Variants in TM9SF2 observed in about 807,000 individuals in gnomAD.
TM9SF2 encodes transmembrane 9 superfamily member 2.
In TM9SF2, 13 loss-of-function variants were observed where a neutral mutation model predicts 84.9. That is an observed-to-expected ratio of 0.15 (90% CI 0.10 to 0.24). The LOEUF (loss-of-function observed/expected upper bound fraction) is 0.24, where lower values mean the gene tolerates loss of function less well. Ranked by LOEUF, TM9SF2 falls within the 10% of genes least tolerant of loss-of-function variation. The probability of loss-of-function intolerance (pLI) is 1.00; values close to 1 mark genes in which losing one functional copy is unlikely to be tolerated. For synonymous variants in TM9SF2, 273 were observed against 285.8 expected, an observed-to-expected ratio of 0.96 and a Z score of 0.45; for missense variants, 562 against 818.5, an observed-to-expected ratio of 0.69 and a Z score of 3.82.
At chr13:99,540,565 C>T in intron 7 of TM9SF2, 149 bp from the exon 8 acceptor site, 1 of 366,214 alleles carries the variant, frequency 2.7e-6, no homozygotes, top group Non-Finnish European at 4.9e-6. Context: ...ATCTGAAACT[C>T]TCCAAATCTC....
intron 15 of TM9SF2, among the ~76,000 whole-genome samples, chr13:99,558,918 A>G (rs927171339): frequency 6.6e-6 from 1 of 152,234 alleles, no homozygotes; most frequent in Non-Finnish European, 1.5e-5. Context: ...TGTTTAAATT[A>G]TGTTAGTAAT....
chr13:99,506,468 A>G (rs1282464949), intron 1 of TM9SF2, among the ~76,000 whole-genome samples: 1 of 152,214 alleles, frequency 6.6e-6, no homozygotes, highest in African/African-American at 2.4e-5. Context: ...TACTTTGACT[A>G]TGGTAAATAT....
intron 4 of TM9SF2, among the ~76,000 whole-genome samples, chr13:99,535,812 G>A (rs1455895738): frequency 6.6e-6 from 1 of 152,138 alleles, no homozygotes; most frequent in Non-Finnish European, 1.5e-5. Flanking sequence ...TGTACTCTGG[G>A]CGCAGGGGGC....
chr13:99,542,194 G>C (rs12017220), intron 9 of TM9SF2, among the ~76,000 whole-genome samples: 1,555 of 152,106 alleles, frequency 0.01, 34 homozygotes, highest in African/African-American at 0.036. Flanking sequence ...ACAGCCTTGG[G>C]AGCTGACCTG....
intron 10 of TM9SF2, 34 bp downstream of exon 10, chr13:99,544,029 T>TA: frequency 6.2e-7 from 1 of 1,609,906 alleles, no homozygotes; most frequent in Non-Finnish European, 8.5e-7. Flanking sequence ...AAGTAGAAAA[T>TA]ACTTTCTAAA....
At chr13:99,506,508 GA>G (rs1479742283) in intron 1 of TM9SF2, among the ~76,000 whole-genome samples, 1 of 152,144 alleles carries the variant, frequency 6.6e-6, no homozygotes, top group African/African-American at 2.4e-5. Context: ...TTCTTCTTCT[GA>G]AAAGGTATGT....
chr13:99,549,460 GTC>G (rs2046296849), intron 12 of TM9SF2, among the ~76,000 whole-genome samples: 1 of 152,166 alleles, frequency 6.6e-6, no homozygotes, highest in Non-Finnish European at 1.5e-5. Context: ...TCTCTTCAAA[GTC>G]TTTCTGTTTC....
intron 4 of TM9SF2, among the ~76,000 whole-genome samples, chr13:99,535,091 G>A (rs2046228244): frequency 6.6e-6 from 1 of 152,188 alleles, no homozygotes. Flanking sequence ...GGTTGAGGCT[G>A]CAGAAAGCCA....
intron 1 of TM9SF2, among the ~76,000 whole-genome samples, chr13:99,503,452 T>C (rs2046075246): frequency 1.3e-5 from 2 of 152,292 alleles, no homozygotes; most frequent in African/African-American, 2.4e-5. Flanking sequence ...CTCACGCCTG[T>C]AATCCCAACA....
At position 99,532,788 on chromosome 13, in the gene TM9SF2, C is replaced by T. The variant is rs192604381; in HGVS notation, c.461+3194C>T. 1.2e-3 allele frequency among the ~76,000 whole-genome samples: 188 copies of T among 152,242 alleles called. 2 individuals are homozygous for T. Among genetic ancestry groups the T allele is most frequent in the African/African-American group, 4.3e-3 (178 of 41,540 alleles). ...AAGAATAAATACAGTAGTGTACAAACTAAGCAAGCATCAGACAGTAAAATT... is the reference window on the plus strand; with the variant it reads ...AAGAATAAATACAGTAGTGTACAAATTAAGCAAGCATCAGACAGTAAAATT... On this transcript the variant is annotated intron_variant, in intron 4 of 16. Transcript: ENST00000376387.
chr13:99,554,102 A>G (rs996994563), intron 13 of TM9SF2, among the ~76,000 whole-genome samples: 4 of 152,244 alleles, frequency 2.6e-5, no homozygotes, highest in Non-Finnish European at 5.9e-5. Context: ...AACTTGTTCC[A>G]GTAGACAGAC....
intron 14 of TM9SF2, 142 bp downstream of exon 14, chr13:99,554,597 A>AG: frequency 1.1e-6 from 1 of 882,892 alleles, no homozygotes; most frequent in Non-Finnish European, 1.7e-6. Context: ...CCAAAAGCTT[A>AG]TTTTTATCTT....
intron 16 of TM9SF2, among the ~76,000 whole-genome samples, chr13:99,562,055 C>T (rs969660583): frequency 8.5e-5 from 13 of 152,110 alleles, no homozygotes; most frequent in African/African-American, 3.1e-4. Context: ...TAAATTTCTC[C>T]CTAGTTAATA....
At chr13:99,527,387 C>G (rs1293536064) in intron 3 of TM9SF2, among the ~76,000 whole-genome samples, 1 of 152,110 alleles carries the variant, frequency 6.6e-6, no homozygotes, top group East Asian at 1.9e-4. Flanking sequence ...GGGGAGGCAA[C>G]CATGTCCTTC....
In TM9SF2 at chr13:99,522,022, C is replaced by CT. The variant is rs1200297346; in HGVS notation, c.333+1902dup. Among the ~76,000 whole-genome samples, 7 of 151,546 alleles carry CT rather than the reference C, an allele frequency of 4.6e-5. No homozygotes were observed. The East Asian group carries it at 5.8e-4, about 13-fold the overall frequency. On this transcript the variant is annotated intron_variant, in intron 3 of 16. Coordinates refer to ENST00000376387, the MANE Select transcript of TM9SF2 (RefSeq NM_004800.3). ...GCCGCCGTCTGACGCCTTTCAAATA[C>CT]TTTTTTTTTCTTTTTCGAGACAGAG...
At position 99,562,885 on chromosome 13, in the gene TM9SF2, T is replaced by C. The variant is rs2046350302; in HGVS notation, c.*127T>C. 1 of 838,244 alleles carries C rather than the reference T, an allele frequency of 1.2e-6. No individual in the cohort carries two copies. The highest frequency in any genetic ancestry group is 1.9e-6 in the Non-Finnish European group (1 of 532,876). 51.9% of individuals were successfully genotyped at this position (838,244 alleles called of 1,614,324 possible). A position where few individuals can be genotyped will look rare whatever the true frequency, so the allele number is the denominator to read the frequency against. Reference sequence around the variant, plus strand: ...AGTAATCCTTCAGAAACACCGTAATTCTAAATAAACCTCTTCCCATACACC... The same window carrying C: ...AGTAATCCTTCAGAAACACCGTAATCCTAAATAAACCTCTTCCCATACACC... On this transcript the variant is annotated 3_prime_UTR_variant, in exon 17 of 17. Transcript: ENST00000376387.
At chr13:99,549,500 T>G (rs1479112252) in intron 12 of TM9SF2, among the ~76,000 whole-genome samples, 1 of 152,228 alleles carries the variant, frequency 6.6e-6, no homozygotes, top group African/African-American at 2.4e-5. Context: ...GTCTGACATG[T>G]TGTTCTGTAG....
chr13:99,555,164 AT>A (rs1334782412), intron 14 of TM9SF2, among the ~76,000 whole-genome samples: 2 of 152,160 alleles, frequency 1.3e-5, no homozygotes, highest in African/African-American at 4.8e-5. Context: ...CGTTATACTA[AT>A]TTTCCAAATT....
chr13:99,542,967 A>G (rs1456520668), intron 9 of TM9SF2, among the ~76,000 whole-genome samples: 1 of 152,144 alleles, frequency 6.6e-6, no homozygotes, highest in Non-Finnish European at 1.5e-5. Flanking sequence ...CAGTCAGAGC[A>G]AGAGTCAGAG....
Sources: allele counts gnomAD v4.1 joint callset (sites outside exome capture counted in the v4.1 genomes callset), GRCh38; gene constraint gnomAD v4.1.1; transcripts MANE v1.5; gene names NCBI Gene and HGNC (gene_info 2026-07-23, HGNC 2026-07-21).